The following OLR1 variants were observed in gnomAD, a reference collection of about 807,000 sequenced individuals.
OLR1 encodes oxidized low density lipoprotein receptor 1.
OLR1 carries 23 observed loss-of-function variants against 31.7 expected under a neutral mutation model. That is an observed-to-expected ratio of 0.72 (90% CI 0.52 to 1.03). The LOEUF is 1.03. Ranked by LOEUF, OLR1 falls within the 50% of genes least tolerant of loss-of-function variation. The probability of loss-of-function intolerance (pLI) is 0.00; values close to 1 mark genes in which losing one functional copy is unlikely to be tolerated. For missense variants in OLR1, 286 were observed against 315.7 expected, an observed-to-expected ratio of 0.91 and a Z score of 0.71; for synonymous variants, 117 against 115.8, an observed-to-expected ratio of 1.01 and a Z score of -0.07.
upstream of OLR1, among the ~76,000 whole-genome samples, chr12:10,174,773 A>C (rs1298582033): frequency 2.6e-5 from 4 of 152,166 alleles, no homozygotes; most frequent in African/African-American, 9.7e-5. Flanking sequence ...CCACCGTTCC[A>C]TTTTTTTGTT....
chr12:10,166,153 T>C (rs1301599984), intron 3 of OLR1, among the ~76,000 whole-genome samples: 1 of 150,194 alleles, frequency 6.7e-6, no homozygotes, highest in Non-Finnish European at 1.5e-5. Flanking sequence ...CAGAAGCTTA[T>C]TGAACTGAGA....
At chr12:10,164,341 A>G (rs1235586388) in intron 3 of OLR1, among the ~76,000 whole-genome samples, 3 of 152,258 alleles carry the variant, frequency 2.0e-5, no homozygotes, top group Non-Finnish European at 4.4e-5. Context: ...CTTGCTAAAA[A>G]TTATTTTGTT....
At chr12:10,173,803 A>C (rs1427958951), upstream of OLR1, among the ~76,000 whole-genome samples, 1 of 151,648 alleles carries the variant, frequency 6.6e-6, no homozygotes, top group Non-Finnish European at 1.5e-5. Context: ...TACTGAAACG[A>C]TATCACACTG....
intron 3 of OLR1, among the ~76,000 whole-genome samples, chr12:10,163,885 C>T (rs559286738): frequency 6.6e-6 from 1 of 151,702 alleles, no homozygotes; most frequent in Admixed American, 6.6e-5. Flanking sequence ...GAGCCTAGAT[C>T]GCACCACTGC....
Sources: gnomAD v4.1 joint callset for allele counts (sites outside exome capture counted in the v4.1 genomes callset) on GRCh38, gnomAD v4.1.1 for gene constraint, MANE v1.5 for transcripts, NCBI Gene and HGNC (gene_info 2026-07-23, HGNC 2026-07-21) for gene names.